NOL4: variants seen among roughly 807,000 people sequenced by gnomAD.
NOL4 encodes the protein cancer/testis antigen 125.
A neutral mutation model predicts 75.9 loss-of-function variants in NOL4; 17 were observed. The observed-to-expected ratio is 0.22, with a 90% CI of 0.15 to 0.34. NOL4 has a LOEUF of 0.34. NOL4 is among the 10% of genes least tolerant of loss of function. NOL4 has a pLI of 1.00. For missense variants in NOL4, 614 were observed against 793.5 expected, an observed-to-expected ratio of 0.77 and a Z score of 2.72; for synonymous variants, 292 against 289.9, an observed-to-expected ratio of 1.01 and a Z score of -0.07.
chr18:34,126,415 T>C (rs1050238848), intron 2 of NOL4, among the ~76,000 whole-genome samples: 3 of 152,198 alleles, frequency 2.0e-5, no homozygotes, highest in South Asian at 2.1e-4. Flanking sequence ...ATATGAGTAA[T>C]ACATATAAGT....
In NOL4 at chr18:34,200,599, G is replaced by C. The variant is rs564156446; in HGVS notation, c.264+22391C>G. ...CTTAACTTTTACGAATCTTTTACTA[G>C]TCCATAAAACTAAAAAGTCCCAATG... On this transcript the variant is annotated intron_variant, in intron 1 of 10. Coordinates refer to ENST00000261592, the MANE Select transcript of NOL4 (RefSeq NM_003787.5). Among the ~76,000 whole-genome samples the C allele has an allele frequency of 4.0e-4, 60 of 151,488 alleles. No homozygotes were observed. The South Asian group carries it at 0.012, about 30-fold the overall frequency.
intron 2 of NOL4, among the ~76,000 whole-genome samples, chr18:34,112,454 T>G (rs1399282543): frequency 6.6e-6 from 1 of 152,026 alleles, no homozygotes; most frequent in African/African-American, 2.4e-5. Context: ...TATCAATATT[T>G]AATTTTATAT....
intron 6 of NOL4, among the ~76,000 whole-genome samples, chr18:33,987,637 C>T (rs1164407858): frequency 2.0e-5 from 3 of 152,116 alleles, no homozygotes; most frequent in Non-Finnish European, 2.9e-5. Flanking sequence ...TCAGTGTTCT[C>T]ATTTTTATAA....
At chr18:34,007,973 GGT>G (rs1379626876) in intron 6 of NOL4, among the ~76,000 whole-genome samples, 4 of 151,866 alleles carry the variant, frequency 2.6e-5, no homozygotes, top group African/African-American at 9.7e-5. Flanking sequence ...ATTATTTCTG[GGT>G]GTGTCTTTGA....
chr18:34,051,284 G>A (rs2076614374), intron 5 of NOL4, among the ~76,000 whole-genome samples: 2 of 151,830 alleles, frequency 1.3e-5, no homozygotes. Context: ...ATAAAGCAAA[G>A]TGAATAGACA....
intron 6 of NOL4, among the ~76,000 whole-genome samples, chr18:34,011,643 TA>T (rs1568212307): frequency 6.7e-6 from 1 of 149,808 alleles, no homozygotes; most frequent in Non-Finnish European, 1.5e-5. Flanking sequence ...AAGCAAAAAA[TA>T]AAAAACAAAA....
At chr18:33,863,063 C>T (rs576309042) in intron 10 of NOL4, among the ~76,000 whole-genome samples, 2 of 152,174 alleles carry the variant, frequency 1.3e-5, no homozygotes, top group Non-Finnish European at 2.9e-5. Context: ...AAATGTGGCA[C>T]ATATACACCA....
At chr18:34,211,520 A>G (rs2146563494) in intron 1 of NOL4, among the ~76,000 whole-genome samples, 1 of 152,318 alleles carries the variant, frequency 6.6e-6, no homozygotes, top group African/African-American at 2.4e-5. Context: ...CCATGGCCCT[A>G]GATTAAACCC....
intron 1 of NOL4, among the ~76,000 whole-genome samples, chr18:34,164,909 C>T (rs374412022): frequency 6.6e-6 from 1 of 151,572 alleles, no homozygotes; most frequent in Non-Finnish European, 1.5e-5. Context: ...TACTATGCAG[C>T]CATAAAAAAT....
intron 5 of NOL4, among the ~76,000 whole-genome samples, chr18:34,073,023 C>T (rs997876526): frequency 6.6e-6 from 1 of 151,940 alleles, no homozygotes; most frequent in African/African-American, 2.4e-5. Flanking sequence ...AGGGACAAAA[C>T]AAATTAAATG....
At chr18:34,164,722 C>T (rs1288093419) in intron 1 of NOL4, among the ~76,000 whole-genome samples, 1 of 151,328 alleles carries the variant, frequency 6.6e-6, no homozygotes, top group Non-Finnish European at 1.5e-5. Flanking sequence ...ACCATTTGAC[C>T]CAGCCATCCC....
At chr18:34,082,643 A>G (rs1279382043) in intron 5 of NOL4, among the ~76,000 whole-genome samples, 2 of 152,150 alleles carry the variant, frequency 1.3e-5, no homozygotes, top group Non-Finnish European at 2.9e-5. Flanking sequence ...TTAAGAGAGT[A>G]GGCATGTCCT....
At chr18:33,950,778 T>C (rs780031969) in intron 8 of NOL4, among the ~76,000 whole-genome samples, 10 of 152,150 alleles carry the variant, frequency 6.6e-5, no homozygotes, top group Non-Finnish European at 1.2e-4. Context: ...AAAGACCTAG[T>C]TGACTTAGTC....
At chr18:33,899,571 G>GA (rs1391392821) in intron 9 of NOL4, among the ~76,000 whole-genome samples, 1 of 152,102 alleles carries the variant, frequency 6.6e-6, no homozygotes, top group Non-Finnish European at 1.5e-5. Flanking sequence ...TTTCCTCCAG[G>GA]GACCCCTGCT....
At chr18:33,897,448 G>A (rs2065478329) in intron 9 of NOL4, among the ~76,000 whole-genome samples, 1 of 152,110 alleles carries the variant, frequency 6.6e-6, no homozygotes, top group Non-Finnish European at 1.5e-5. Context: ...AATAGAATGA[G>A]ATCATGTCTT....
chr18:34,058,447 CTCTT>C (rs1198154080), intron 5 of NOL4, among the ~76,000 whole-genome samples: 2 of 152,216 alleles, frequency 1.3e-5, no homozygotes, highest in East Asian at 3.9e-4. Flanking sequence ...TTATTTCTAA[CTCTT>C]TGTTTTTGCC....
chr18:33,982,464 T>G (rs1448050843), intron 6 of NOL4, among the ~76,000 whole-genome samples: 3 of 152,128 alleles, frequency 2.0e-5, no homozygotes, highest in Non-Finnish European at 4.4e-5. Context: ...CAGGGATAAA[T>G]AAGGATATTA....
intron 6 of NOL4, among the ~76,000 whole-genome samples, chr18:33,968,621 G>T (rs1485158041): frequency 3.3e-5 from 5 of 152,144 alleles, no homozygotes; most frequent in African/African-American, 1.2e-4. Flanking sequence ...AAGACTACTA[G>T]AGAGAGGAGG....
chr18:34,173,112 T>A (rs2033203502), intron 1 of NOL4, among the ~76,000 whole-genome samples: 1 of 152,038 alleles, frequency 6.6e-6, no homozygotes, highest in African/African-American at 2.4e-5. Context: ...TGGATGAGCC[T>A]AGAGGACATT....
Sources: allele counts gnomAD v4.1 joint callset (sites outside exome capture counted in the v4.1 genomes callset), GRCh38; gene constraint gnomAD v4.1.1; transcripts MANE v1.5; gene names NCBI Gene and HGNC (gene_info 2026-07-23, HGNC 2026-07-21).